Variants in CEP250 observed in about 807,000 individuals in gnomAD.
CEP250 encodes centrosome-associated protein CEP250.
In CEP250, 242 loss-of-function variants were observed where a neutral mutation model predicts 315.7. The ratio of observed to expected loss-of-function variants is 0.77; its 90% CI spans 0.69 to 0.85. CEP250 has a LOEUF of 0.85. Ranked by LOEUF, CEP250 falls within the 40% of genes least tolerant of loss-of-function variation. The probability of loss-of-function intolerance (pLI) is 0.00; values close to 1 mark genes in which losing one functional copy is unlikely to be tolerated. For synonymous variants in CEP250, 1,088 were observed against 1,175.0 expected (o/e 0.93, Z 1.51); for missense variants, 2,515 against 2,886.4 (o/e 0.87, Z 2.95).
At chr20:35,477,197 A>T (rs1417541830) in intron 16 of CEP250, among the ~76,000 whole-genome samples, 1 of 151,856 alleles carries the variant, frequency 6.6e-6, no homozygotes, top group Admixed American at 6.6e-5. Flanking sequence ...TTTAATAGAG[A>T]CAGGGTTTTA....
At position 35,504,170 on chromosome 20, in the gene CEP250, T is replaced by C; in HGVS notation, c.5801T>C (p.Val1934Ala). Reference sequence around the variant, plus strand: ...GACAGCTGGCTGCAGGCCCAGGCAGTGCTCAAGGAACGGGACCAGGAGCTG... The same window carrying C: ...GACAGCTGGCTGCAGGCCCAGGCAGCGCTCAAGGAACGGGACCAGGAGCTG... The part of the protein sequence containing the change: ...LQDSWLQAQA[V>A]LKERDQELEA... Residue 1934 changes from valine to alanine, a missense_variant, in exon 30 of 35, where the codon GTG (valine) becomes GCG (alanine). Transcript: ENST00000397527. 6.2e-7 allele frequency: 1 copy of C among 1,613,792 alleles called. No individual in the cohort carries two copies. The highest frequency in any genetic ancestry group is 8.5e-7 in the Non-Finnish European group (1 of 1,179,906).
At chr20:35,479,609 A>G in intron 18 of CEP250, 37 bp from the exon 19 acceptor site, 1 of 1,610,464 alleles carries the variant, frequency 6.2e-7, no homozygotes, top group Non-Finnish European at 8.5e-7. Context: ...AAGGGGCTTG[A>G]TGGGTAAGAA....
intron 3 of CEP250, among the ~76,000 whole-genome samples, chr20:35,461,006 G>A (rs1281388834): frequency 6.6e-6 from 1 of 152,210 alleles, no homozygotes; most frequent in African/African-American, 2.4e-5. Flanking sequence ...AGCTATAAAA[G>A]TGACTAACTC....
Position 35,462,455 on chromosome 20 carries a change from C to T in CEP250, c.88C>T (p.Gln30Ter). The T allele has an allele frequency of 6.2e-7, 1 of 1,607,102 alleles. No individual in the cohort carries two copies. Among genetic ancestry groups the T allele is most frequent in the Non-Finnish European group, 8.5e-7 (1 of 1,176,622 alleles). The change falls in exon 4 of 35, where the codon CAG becomes TAG. Residue 30 changes from glutamine (Q) to a stop codon, truncating the protein, a stop_gained. Transcript: ENST00000397527. LOFTEE classifies it high-confidence loss of function. ...AGAGCAGGTGCTGGCACTACAGCAGCAGATGGCAGAGAATCAGGCAGCCTC... is the reference window on the plus strand; with the variant it reads ...AGAGCAGGTGCTGGCACTACAGCAGTAGATGGCAGAGAATCAGGCAGCCTC... ...LEEQVLALQQ[Q>*]MAENQAASWR... is the part of the protein sequence containing the mutation.
chr20:35,478,094 T>C lies in CEP250; in HGVS notation c.2087T>C (p.Leu696Pro), dbSNP rs774650815. 2 of 1,612,134 alleles carry C rather than the reference T, an allele frequency of 1.2e-6. No individual in the cohort carries two copies. Among genetic ancestry groups the C allele is most frequent in the South Asian group, 2.2e-5 (2 of 90,846 alleles). The change falls in exon 17 of 35, where the codon CTA becomes CCA. Residue 696 changes from leucine (L) to proline (P), a missense_variant. By Grantham distance (98) the Leu-to-Pro change is moderately conservative. Coordinates refer to ENST00000397527, the MANE Select transcript of CEP250 (RefSeq NM_007186.6). Reference protein sequence around the residue: ...QEEKEEIQKKLSESRHQQEAA... With the variant: ...QEEKEEIQKKPSESRHQQEAA... ...GAGAAGGAAGAAATTCAAAAGAAACTAAGTGAGGTGAGAAGCCAAAATGGA... is the reference window on the plus strand; with the variant it reads ...GAGAAGGAAGAAATTCAAAAGAAACCAAGTGAGGTGAGAAGCCAAAATGGA...
At position 35,472,180 on chromosome 20, in the gene CEP250, C is replaced by G. The variant is rs749477430; in HGVS notation, c.1050+29C>G. The G allele has an allele frequency of 6.1e-6, 8 of 1,302,470 alleles. No homozygotes were observed. The South Asian group carries it at 9.4e-5, about 15-fold the overall frequency. The allele number at this position is 1,302,470 out of a possible 1,614,324, so 80.7% of individuals were successfully genotyped here. On this transcript the variant is annotated intron_variant, in intron 11 of 34. Transcript: ENST00000397527. ...CTGGGAAGCCTCCTGTTCATGGTAACCAGGTTATGCCTCCACTCCCCAGGT... is the reference window on the plus strand; with the variant it reads ...CTGGGAAGCCTCCTGTTCATGGTAAGCAGGTTATGCCTCCACTCCCCAGGT...
intron 34 of CEP250, 126 bp from the exon 35 acceptor site, chr20:35,511,237 G>C (rs2064346481): frequency 1.3e-6 from 1 of 741,544 alleles, no homozygotes; most frequent in Non-Finnish European, 2.2e-6. Flanking sequence ...TCTGAGATTC[G>C]TGTATGTGGT....
intron 24 of CEP250, 90 bp downstream of exon 24, chr20:35,494,747 C>T (rs1601259843): frequency 1.4e-6 from 2 of 1,460,604 alleles, no homozygotes; most frequent in Non-Finnish European, 9.4e-7. Flanking sequence ...GGCCACCTTG[C>T]CTTTCATGTC....
intron 10 of CEP250, among the ~76,000 whole-genome samples, chr20:35,471,145 A>G (rs1191555444): frequency 6.6e-6 from 1 of 152,030 alleles, no homozygotes; most frequent in African/African-American, 2.4e-5. Context: ...CAGAATATCC[A>G]TGGGGCTCAG....
intron 20 of CEP250, among the ~76,000 whole-genome samples, chr20:35,489,981 C>A (rs992492287): frequency 6.6e-6 from 1 of 152,094 alleles, no homozygotes; most frequent in Non-Finnish European, 1.5e-5. Context: ...GAGTTCGAGT[C>A]CAGCCTGGGC....
rs1425345781 is a variant in CEP250, at chr20:35,503,405, A to G, written c.5036A>G (p.Lys1679Arg). The change falls in exon 30 of 35, where the codon AAG becomes AGG. Residue 1679 changes from lysine (K) to arginine (R), a missense_variant. Coordinates refer to ENST00000397527, the MANE Select transcript of CEP250 (RefSeq NM_007186.6). The surrounding 1 kb of genome is among the most constrained non-coding windows in gnomAD (Gnocchi z 4.2). ...GAGGATCAGAGGACCCGGCAGACCA[A>G]GATCCTGGAGGAGGACCTGGAACAG... ...VLEDQRTRQT[K>R]ILEEDLEQIK... The G allele has an allele frequency of 2.5e-6, 4 of 1,614,218 alleles. No individual in the cohort carries two copies. The highest frequency in any genetic ancestry group is 1.7e-6 in the Non-Finnish European group (2 of 1,180,032).
Position 35,504,758 on chromosome 20 carries a change from A to C in CEP250, c.6389A>C (p.Lys2130Thr). 1.2e-6 allele frequency: 2 copies of C among 1,614,200 alleles called. No individual in the cohort carries two copies. The highest frequency in any genetic ancestry group is 1.7e-6 in the Non-Finnish European group (2 of 1,180,026). ...CTGGAAGCCTTACCCCACAGCCACA[A>C]AACCTCCCCAATGGAGGAACAATCT... ...NNLEALPHSH[K>T]TSPMEEQSLK... The change falls in exon 30 of 35, where the codon AAA becomes ACA. Residue 2130 changes from lysine to threonine, a missense_variant. By Grantham distance (78) the Lys-to-Thr change is moderately conservative. Transcript: ENST00000397527.
chr20:35,470,101 GC>G lies in CEP250; in HGVS notation c.948+116del, dbSNP rs756127849. 18 of 706,590 alleles carry G rather than the reference GC, an allele frequency of 2.5e-5. No homozygotes were observed. The South Asian group carries it at 3.0e-4, about 12-fold the overall frequency. 43.8% of individuals were successfully genotyped at this position (706,590 alleles called of 1,614,324 possible). A position where few individuals can be genotyped will look rare whatever the true frequency, so the allele number is the denominator to read the frequency against. On this transcript the variant is annotated intron_variant, in intron 10 of 34. Coordinates refer to ENST00000397527, the MANE Select transcript of CEP250 (RefSeq NM_007186.6). The stretch of plus-strand genomic sequence containing the variant: ...ATATTCCATGATGAAATCCTCTAAA[GC>G]TAAAAAATAAATTTTGGCTGAATCT...
chr20:35,483,083 G>A (rs1337359549), intron 20 of CEP250, among the ~76,000 whole-genome samples: 2 of 151,900 alleles, frequency 1.3e-5, no homozygotes, highest in South Asian at 4.2e-4. Context: ...TAATTTGGGA[G>A]GCTGAGGTGG....
chr20:35,469,838 C>G (rs1166588271), intron 9 of CEP250, 52 bp from the exon 10 acceptor site: 1 of 1,257,890 alleles, frequency 7.9e-7, no homozygotes, highest in East Asian at 2.4e-5. Flanking sequence ...CATCGTAGCT[C>G]TGTCCACATC....
At position 35,504,154 on chromosome 20, in the gene CEP250, C is replaced by A. The variant is rs768347922; in HGVS notation, c.5785C>A (p.Leu1929Met). The A allele has an allele frequency of 1.2e-6, 2 of 1,613,932 alleles. No homozygotes were observed. Among genetic ancestry groups the A allele is most frequent in the African/African-American group, 2.7e-5 (2 of 74,942 alleles). The change falls in exon 30 of 35, where the codon CTG (leucine) becomes ATG (methionine). Residue 1929 changes from leucine to methionine, a missense_variant. By Grantham distance (15) the Leu-to-Met change is conservative (BLOSUM62 2). Coordinates refer to ENST00000397527, the MANE Select transcript of CEP250 (RefSeq NM_007186.6). ...GACCAGGGCCCTGCAGGACAGCTGG[C>A]TGCAGGCCCAGGCAGTGCTCAAGGA... ...VETRALQDSWLQAQAVLKERD... is the reference protein window; with the variant it reads ...VETRALQDSWMQAQAVLKERD...
At position 35,501,953 on chromosome 20, in the gene CEP250, G is replaced by A. The variant is rs767741329; in HGVS notation, c.4007G>A (p.Arg1336Gln). The change falls in exon 29 of 35, where the codon CGA becomes CAA. Residue 1336 changes from arginine (R) to glutamine (Q), a missense_variant. By Grantham distance (43) the Arg-to-Gln change is conservative. Coordinates refer to ENST00000397527, the MANE Select transcript of CEP250 (RefSeq NM_007186.6). ...QSRLRRAELQ[R>Q]MEAQGERELL... ...CGCCTGCGGAGAGCAGAGCTACAGC[G>A]AATGGAAGCCCAGGTAAAGTGGTAC... 18 of 1,612,324 alleles carry A rather than the reference G, an allele frequency of 1.1e-5. No homozygotes were observed. The highest frequency in any genetic ancestry group is 5.5e-5 in the South Asian group (5 of 91,048).
chr20:35,504,813 G>T lies in CEP250; in HGVS notation c.6444G>T (p.Leu2148=), dbSNP rs774116838. 1.1e-5 allele frequency: 17 copies of T among 1,614,254 alleles called. No individual in the cohort carries two copies. Among genetic ancestry groups the T allele is most frequent in the Non-Finnish European group, 1.4e-5 (16 of 1,180,044 alleles). The change falls in exon 30 of 35, where the codon CTG becomes CTT. Residue 2148 remains leucine (L), a synonymous_variant. Transcript: ENST00000397527. ...AACTTGATTCTTTAGAGCCCAGGCT[G>T]CAGCGGGAGCTGGAGCGGCTACAGG... The part of the protein sequence containing the change: ...SLKLDSLEPR[L]QRELERLQAA...
intron 4 of CEP250, 95 bp downstream of exon 4, chr20:35,462,648 G>A: frequency 9.2e-7 from 1 of 1,082,486 alleles, no homozygotes; most frequent in Non-Finnish European, 1.3e-6. Context: ...GAGTCTTGTG[G>A]TGGGAGTGGC....
Sources: gnomAD v4.1 joint callset for allele counts (sites outside exome capture counted in the v4.1 genomes callset) on GRCh38, gnomAD v4.1.1 for gene constraint, Gnocchi (gnomAD v3.1) non-coding constraint, MANE v1.5 for transcripts, NCBI Gene and HGNC (gene_info 2026-07-23, HGNC 2026-07-21) for gene names.